The following SYNPO2L variants were observed in gnomAD, a reference collection of about 807,000 sequenced individuals.
SYNPO2L encodes synaptopodin 2 like.
A neutral mutation model predicts 47.5 loss-of-function variants in SYNPO2L; 34 were observed. The ratio of observed to expected loss-of-function variants is 0.72; its 90% CI spans 0.54 to 0.95. SYNPO2L has a LOEUF of 0.95. SYNPO2L is among the 40% of genes least tolerant of loss of function. The pLI is 0.00. For missense variants in SYNPO2L, 1,246 were observed against 1,282.0 expected (o/e 0.97, Z 0.43); for synonymous variants, 536 against 524.9 (o/e 1.02, Z -0.29).
chr10:73,650,014 A>C (rs968591393), intron 3 of SYNPO2L: 4 of 985,314 alleles, frequency 4.1e-6, no homozygotes, highest in African/African-American at 1.7e-5. Flanking sequence ...AGCCAGGCAC[A>C]CAAAGACTAT....
rs180752653 is a variant in SYNPO2L at position 73,647,882 on chromosome 10, G to A, written c.1770C>T (p.Pro590=). 233 of 1,532,396 alleles carry A rather than the reference G, an allele frequency of 1.5e-4. No individual in the cohort carries two copies. In the African/African-American group the frequency reaches 2.9e-3, roughly 19 times the overall value. 94.9% of individuals were successfully genotyped at this position (1,532,396 alleles called of 1,614,324 possible). Residue 590 remains proline, a synonymous_variant, in exon 4 of 4, where the codon CCC becomes CCT. Coordinates refer to ENST00000394810, the MANE Select transcript of SYNPO2L (RefSeq NM_001114133.3). ...GGGCAGGCGCCTCTGGGCGCGCAGA[G>A]GGTCGCAAAGGCGCAGATAGGAAGA... is the stretch of plus-strand genomic sequence containing the variant. The part of the protein sequence containing the change: ...ASIFLSAPLR[P]SARPEAPAPG...
chr10:73,654,433 T>C, intron 1 of SYNPO2L, 153 bp from the exon 2 acceptor site: 2 of 837,854 alleles, frequency 2.4e-6, no homozygotes, highest in Admixed American at 2.8e-5. Flanking sequence ...TGAAGTGGCC[T>C]GTCTAGAGGG....
Position 73,645,336 on chromosome 10 carries a change from C to A in SYNPO2L, c.*1382G>T. The stretch of plus-strand genomic sequence containing the variant: ...GTTGGTTTCTTGTTACTCAACTTTA[C>A]CTTCTCCCAATATGGCATTGTCCCT... On this transcript the variant is annotated 3_prime_UTR_variant, in exon 4 of 4. Coordinates refer to ENST00000394810, the MANE Select transcript of SYNPO2L (RefSeq NM_001114133.3). 1 of 1,065,660 alleles carries A rather than the reference C, an allele frequency of 9.4e-7. No individual in the cohort carries two copies. The highest frequency in any genetic ancestry group is 2.7e-5 in the South Asian group (1 of 36,596). 66.0% of individuals were successfully genotyped at this position (1,065,660 alleles called of 1,614,324 possible). A position where few individuals can be genotyped will look rare whatever the true frequency, so the allele number is the denominator to read the frequency against.
chr10:73,655,850 C>G lies in SYNPO2L; in HGVS notation c.73G>C (p.Ala25Pro). ...ACCTGTAACGGTTTCCTCTGCTCGG[C>G]CCCCCCATGAAGTCGGAAGCCCCAG... ...APWGFRLHGG[A>P]EQRKPLQVSK... is the part of the protein sequence containing the mutation. The change falls in exon 1 of 4, where the codon GCC becomes CCC. Residue 25 changes from alanine to proline, a missense_variant. By Grantham distance (27) the Ala-to-Pro change is conservative (BLOSUM62 -1). Coordinates refer to ENST00000394810, the MANE Select transcript of SYNPO2L (RefSeq NM_001114133.3). 6.4e-7 allele frequency: 1 copy of G among 1,550,862 alleles called. No individual in the cohort carries two copies. The highest frequency in any genetic ancestry group is 8.7e-7 in the Non-Finnish European group (1 of 1,146,736).
rs773543256 is a variant in SYNPO2L, at chr10:73,647,379, C to A, written c.2273G>T (p.Gly758Val). Reference protein sequence around the residue: ...IPEPPRLQGRGGELFAKRQSR... With the variant: ...IPEPPRLQGRVGELFAKRQSR... The stretch of plus-strand genomic sequence containing the variant: ...CTGCCGCTTAGCAAACAGCTCCCCA[C>A]CCCTGCCCTGCAGCCTTGGTGGCTC... The change falls in exon 4 of 4, where the codon GGT becomes GTT. Residue 758 changes from glycine (G) to valine (V), a missense_variant. Gly to Val is a moderately radical substitution (Grantham distance 109). This residue lies in a region of SYNPO2L where 1,037 missense variants were observed against 1,021.5 expected (regional missense o/e 1.02). Coordinates refer to ENST00000394810, the MANE Select transcript of SYNPO2L (RefSeq NM_001114133.3). The A allele has an allele frequency of 3.7e-6, 6 of 1,614,058 alleles. No homozygotes were observed. In the Admixed American group the frequency reaches 8.3e-5, roughly 22 times the overall value.
At position 73,644,952 on chromosome 10, in the gene SYNPO2L, A is replaced by G; in HGVS notation, c.*1766T>C. On this transcript the variant is annotated 3_prime_UTR_variant, in exon 4 of 4. Transcript: ENST00000394810. ...GTGACTCACACCCAACAAGCAAAGGAAATTATCACTTTCCAGATTACACAG... is the reference window on the plus strand; with the variant it reads ...GTGACTCACACCCAACAAGCAAAGGGAATTATCACTTTCCAGATTACACAG... The G allele has an allele frequency of 8.3e-7, 1 of 1,208,912 alleles. No homozygotes were observed. Among genetic ancestry groups the G allele is most frequent in the Non-Finnish European group, 1.1e-6 (1 of 941,870 alleles). The allele number at this position is 1,208,912 out of a possible 1,614,324, so 74.9% of individuals were successfully genotyped here.
chr10:73,649,204 C>T (rs2081816226), intron 3 of SYNPO2L, among the ~76,000 whole-genome samples: 1 of 152,164 alleles, frequency 6.6e-6, no homozygotes, highest in Non-Finnish European at 1.5e-5. Flanking sequence ...CACCTGCCTC[C>T]CATTCCTGAC....
At chr10:73,649,703 A>C in intron 3 of SYNPO2L, 1 of 984,842 alleles carries the variant, frequency 1.0e-6, no homozygotes, top group Non-Finnish European at 1.2e-6. Flanking sequence ...CTTCCCAGAG[A>C]CCTCCCTGCA....
chr10:73,651,521 G>T (rs1308219128), intron 3 of SYNPO2L, among the ~76,000 whole-genome samples: 1 of 152,126 alleles, frequency 6.6e-6, no homozygotes, highest in Non-Finnish European at 1.5e-5. Flanking sequence ...TAACAAGAAC[G>T]GTCTCTGTGG....
At chr10:73,652,066 CAAAAAAA>C (rs1178972762) in intron 3 of SYNPO2L, among the ~76,000 whole-genome samples, 1 of 47,800 alleles carries the variant, frequency 2.1e-5, no homozygotes, top group Admixed American at 2.1e-4. Flanking sequence ...GACTCTATCT[CAAAAAAA>C]AAAAAAAAAA....
chr10:73,648,715 A>G lies in SYNPO2L; in HGVS notation c.937T>C (p.Phe313Leu), dbSNP rs1241303755. The change falls in exon 4 of 4, where the codon TTC (phenylalanine) becomes CTC (leucine). Residue 313 changes from phenylalanine (F) to leucine (L), a missense_variant. Transcript: ENST00000394810. The part of the protein sequence containing the change: ...QRAKKYTLVS[F>L]GAAAGTGAEE... ...GCGCCTGTCCCAGCAGCAGCCCCGAAGCTCACCAGGGTGTACTTCTTGGCT... is the reference window on the plus strand; with the variant it reads ...GCGCCTGTCCCAGCAGCAGCCCCGAGGCTCACCAGGGTGTACTTCTTGGCT... 1 of 1,611,184 alleles carries G rather than the reference A, an allele frequency of 6.2e-7. No individual in the cohort carries two copies.
chr10:73,646,520 C>T lies in SYNPO2L; in HGVS notation c.*198G>A, dbSNP rs959583358. The T allele has an allele frequency of 3.2e-6, 4 of 1,243,958 alleles. No individual in the cohort carries two copies. Among genetic ancestry groups the T allele is most frequent in the Admixed American group, 3.9e-5 (1 of 25,346 alleles). The allele number at this position is 1,243,958 out of a possible 1,614,324, so 77.1% of individuals were successfully genotyped here. ...ACAAAGAGAGGCAAAGATACCAAAG[C>T]AGACATACTTGGTTGGAAAGCGGCA... On this transcript the variant is annotated 3_prime_UTR_variant, in exon 4 of 4. Coordinates refer to ENST00000394810, the MANE Select transcript of SYNPO2L (RefSeq NM_001114133.3).
Position 73,647,274 on chromosome 10 carries a change from G to A in SYNPO2L, c.2378C>T (p.Pro793Leu). The A allele has an allele frequency of 6.2e-7, 1 of 1,614,074 alleles. No homozygotes were observed. Among genetic ancestry groups the A allele is most frequent in the Non-Finnish European group, 8.5e-7 (1 of 1,179,996 alleles). Residue 793 changes from proline to leucine, a missense_variant, in exon 4 of 4, where the codon CCG becomes CTG. By Grantham distance (98) the Pro-to-Leu change is moderately conservative. This residue lies in a region of SYNPO2L where 1,037 missense variants were observed against 1,021.5 expected (regional missense o/e 1.02). Transcript: ENST00000394810. ...ATATTTCCAGGAAGGGGGCAGAGAC[G>A]GGGTAGGAGAAGGACTTCTAGGCCG... ...GPRPRSPSPT[P>L]SLPPSWKYSP...
rs1357063932 is a variant in SYNPO2L, at chr10:73,646,647, G to A, written c.*71C>T. 19 of 1,389,804 alleles carry A rather than the reference G, an allele frequency of 1.4e-5. No homozygotes were observed. The allele number at this position is 1,389,804 out of a possible 1,614,324, so 86.1% of individuals were successfully genotyped here. A position where few individuals can be genotyped will look rare whatever the true frequency, so the allele number is the denominator to read the frequency against. On this transcript the variant is annotated 3_prime_UTR_variant, in exon 4 of 4. Coordinates refer to ENST00000394810, the MANE Select transcript of SYNPO2L (RefSeq NM_001114133.3). ...GCTTCCAGATGCGTGACAGGGGATG[G>A]GATAGGGTAGGAGAAGCAACTTTAG...
chr10:73,647,480 TG>T lies in SYNPO2L; in HGVS notation c.2171del (p.Pro724GlnfsTer16). On this transcript the variant is annotated frameshift_variant, in exon 4 of 4. Coordinates refer to ENST00000394810, the MANE Select transcript of SYNPO2L (RefSeq NM_001114133.3). LOFTEE classifies it high-confidence loss of function. Reference protein sequence around the residue: ...PPPMTPKTPPPVAPKPPSRGL... With the variant: ...PPPMTPKTPPXVAPKPPSRGL... ...CTCGAGATGGGGGCTTAGGAGCCACTGGGGGTGGAGTCTTAGGAGTCATAGG... is the reference window on the plus strand; with the variant it reads ...CTCGAGATGGGGGCTTAGGAGCCACTGGGGTGGAGTCTTAGGAGTCATAGG... 2 of 1,576,174 alleles carry T rather than the reference TG, an allele frequency of 1.3e-6. No homozygotes were observed. Among genetic ancestry groups the T allele is most frequent in the Non-Finnish European group, 1.7e-6 (2 of 1,158,760 alleles).
chr10:73,644,946 CAAAGG>C lies in SYNPO2L; in HGVS notation c.*1767_*1771del, dbSNP rs1188667697. ...AGTATTGTGACTCACACCCAACAAG[CAAAGG>C]AAATTATCACTTTCCAGATTACACA... On this transcript the variant is annotated 3_prime_UTR_variant, in exon 4 of 4. Coordinates refer to ENST00000394810, the MANE Select transcript of SYNPO2L (RefSeq NM_001114133.3). 1.7e-6 allele frequency: 2 copies of C among 1,186,578 alleles called. No homozygotes were observed. Among genetic ancestry groups the C allele is most frequent in the African/African-American group, 3.3e-5 (2 of 59,782 alleles). 73.5% of individuals were successfully genotyped at this position (1,186,578 alleles called of 1,614,324 possible). A position where few individuals can be genotyped will look rare whatever the true frequency, so the allele number is the denominator to read the frequency against.
Position 73,646,408 on chromosome 10 carries a change from C to G in SYNPO2L, c.*310G>C, listed in dbSNP as rs1029466573. 14 of 1,087,398 alleles carry G rather than the reference C, an allele frequency of 1.3e-5. No homozygotes were observed. In the East Asian group the frequency reaches 8.3e-4, roughly 64 times the overall value. 67.4% of individuals were successfully genotyped at this position (1,087,398 alleles called of 1,614,324 possible). On this transcript the variant is annotated 3_prime_UTR_variant, in exon 4 of 4. Coordinates refer to ENST00000394810, the MANE Select transcript of SYNPO2L (RefSeq NM_001114133.3). ...AAAATGAGGCCCAGGGAGAAAAGCA[C>G]AAATGTCAAGGAAGAGAGATCTGTG...
rs201121778 is a variant in SYNPO2L, at chr10:73,647,953, G to A, written c.1699C>T (p.Pro567Ser). The part of the protein sequence containing the change: ...RPVTPGGAPE[P>S]PAPPSAAAMT... ...GCAGCTGCGCTAGGAGGAGCGGGGG[G>A]CTCTGGAGCTCCACCTGGGGTGACA... The change falls in exon 4 of 4, where the codon CCC becomes TCC. Residue 567 changes from proline (P) to serine (S), a missense_variant. Pro to Ser is a moderately conservative substitution (Grantham distance 74). This residue lies in a region of SYNPO2L where 1,037 missense variants were observed against 1,021.5 expected (regional missense o/e 1.02). Coordinates refer to ENST00000394810, the MANE Select transcript of SYNPO2L (RefSeq NM_001114133.3). 4.4e-4 allele frequency: 674 copies of A among 1,533,292 alleles called. 1 individual carries two copies. Among genetic ancestry groups the A allele is most frequent in the Non-Finnish European group, 5.2e-4 (594 of 1,143,250 alleles). 95.0% of individuals were successfully genotyped at this position (1,533,292 alleles called of 1,614,324 possible).
intron 3 of SYNPO2L, among the ~76,000 whole-genome samples, chr10:73,651,639 C>T (rs1010142028): frequency 6.6e-6 from 1 of 152,158 alleles, no homozygotes; most frequent in African/African-American, 2.4e-5. Context: ...GCTTTTTCTG[C>T]CCAGGCCAAC....
Sources: allele counts gnomAD v4.1 joint callset (sites outside exome capture counted in the v4.1 genomes callset), GRCh38; gene constraint gnomAD v4.1.1; regional missense constraint gnomAD v4.1.1; transcripts MANE v1.5; gene names NCBI Gene and HGNC (gene_info 2026-07-23, HGNC 2026-07-21).